H1-6: variants seen among roughly 807,000 people sequenced by gnomAD.
H1-6 encodes histone H1t.
For synonymous variants in H1-6, 225 were observed against 100.1 expected (o/e 2.25, Z -7.45); for missense variants, 538 against 246.5 (o/e 2.18, Z -7.92).
rs930469742 is a variant in H1-6 at position 26,107,614 on chromosome 6, A to C, written c.480T>G (p.Thr160=). ...NKRAKKPRAT[T]PKTVRSGRKA... The stretch of plus-strand genomic sequence containing the variant: ...TTCTCCCGCTCCTAACAGTTTTAGG[A>C]GTTGTCGCTCTCGGCTTCTTGGCTC... The change falls in exon 1 of 1, where the codon ACT becomes ACG. Residue 160 remains threonine (T), a synonymous_variant. Transcript: ENST00000338379. 1.9e-6 allele frequency: 3 copies of C among 1,613,898 alleles called. No homozygotes were observed. The African/African-American group carries it at 4.0e-5, about 22-fold the overall frequency.
Position 26,107,976 on chromosome 6 carries a change from G to A in H1-6, c.118C>T (p.Pro40Ser), listed in dbSNP as rs773939390. ...AGLISASRKV[P>S]NLSVSKLITE... ...ATCAACTTGGACACAGAGAGGTTCG[G>A]CACTTTGCGACTTGCACTTATCAAG... is the stretch of plus-strand genomic sequence containing the variant. Residue 40 changes from proline to serine, a missense_variant, in exon 1 of 1, where the codon CCG (proline) becomes TCG (serine). Pro to Ser is a moderately conservative substitution (Grantham distance 74, BLOSUM62 -1). Transcript: ENST00000338379. The A allele has an allele frequency of 9.9e-6, 16 of 1,614,064 alleles. No homozygotes were observed. The highest frequency in any genetic ancestry group is 2.2e-5 in the South Asian group (2 of 91,086).
rs374531303 is a variant in H1-6, at chr6:26,107,738, G to T, written c.356C>A (p.Ser119Tyr). The T allele has an allele frequency of 6.8e-6, 11 of 1,614,222 alleles. No individual in the cohort carries two copies. Among genetic ancestry groups the T allele is most frequent in the Non-Finnish European group, 9.3e-6 (11 of 1,180,036 alleles). Residue 119 changes from serine (S) to tyrosine (Y), a missense_variant, in exon 1 of 1, where the codon TCT (serine) becomes TAT (tyrosine). Transcript: ENST00000338379. ...FKLSKKVIPK[S>Y]TRSKAKKSVS... The stretch of plus-strand genomic sequence containing the variant: ...TGACTTTTTAGCCTTGCTTCTGGTA[G>T]ATTTAGGAATCACCTTCTTACTAAG...
At position 26,107,588 on chromosome 6, in the gene H1-6, T is replaced by C. The variant is rs142472343; in HGVS notation, c.506A>G (p.Lys169Arg). The C allele has an allele frequency of 8.9e-4, 1,429 of 1,614,186 alleles. 2 individuals carry two copies. Among genetic ancestry groups the C allele is most frequent in the Non-Finnish European group, 1.1e-3 (1,274 of 1,180,026 alleles). Reference protein sequence around the residue: ...TTPKTVRSGRKAKGAKGKQQQ... With the variant: ...TTPKTVRSGRRAKGAKGKQQQ... Reference sequence around the variant, plus strand: ...TTGCTTACCCTTGGCTCCTTTAGCCTTTCTCCCGCTCCTAACAGTTTTAGG... The same window carrying C: ...TTGCTTACCCTTGGCTCCTTTAGCCCTTCTCCCGCTCCTAACAGTTTTAGG... The change falls in exon 1 of 1, where the codon AAG becomes AGG. Residue 169 changes from lysine to arginine, a missense_variant. Lys to Arg is a conservative substitution (Grantham distance 26). Coordinates refer to ENST00000338379, the MANE Select transcript of H1-6 (RefSeq NM_005323.4).
chr6:26,107,693 T>C lies in H1-6; in HGVS notation c.401A>G (p.Lys134Arg), dbSNP rs756173235. ...CTTGGAGTCCCTGGATAAAACCAGC[T>C]TCTTGGTCTTGGCAGAAACTGACTT... Reference protein sequence around the residue: ...AKKSVSAKTKKLVLSRDSKSP... With the variant: ...AKKSVSAKTKRLVLSRDSKSP... The change falls in exon 1 of 1, where the codon AAG becomes AGG. Residue 134 changes from lysine to arginine, a missense_variant. Physicochemically the swap from Lys to Arg is conservative, Grantham distance 26. Coordinates refer to ENST00000338379, the MANE Select transcript of H1-6 (RefSeq NM_005323.4). The C allele has an allele frequency of 6.2e-7, 1 of 1,614,196 alleles. No individual in the cohort carries two copies. Among genetic ancestry groups the C allele is most frequent in the Non-Finnish European group, 8.5e-7 (1 of 1,180,032 alleles).
rs774386357 is a variant in H1-6 at position 26,107,671 on chromosome 6, G to C, written c.423C>G (p.Ser141=). Residue 141 remains serine (S), a synonymous_variant, in exon 1 of 1, where the codon TCC becomes TCG. Coordinates refer to ENST00000338379, the MANE Select transcript of H1-6 (RefSeq NM_005323.4). ...KTKKLVLSRD[S]KSPKTAKTNK... ...TGGTTTTAGCAGTCTTTGGTGACTTGGAGTCCCTGGATAAAACCAGCTTCT... is the reference window on the plus strand; with the variant it reads ...TGGTTTTAGCAGTCTTTGGTGACTTCGAGTCCCTGGATAAAACCAGCTTCT... 3.1e-6 allele frequency: 5 copies of C among 1,614,074 alleles called. No homozygotes were observed. The South Asian group carries it at 4.4e-5, about 14-fold the overall frequency.
rs1409708231 is a variant in H1-6 at position 26,107,922 on chromosome 6, G to A, written c.172C>T (p.Arg58Ter). 6.2e-7 allele frequency: 1 copy of A among 1,614,140 alleles called. No individual in the cohort carries two copies. The highest frequency in any genetic ancestry group is 8.5e-7 in the Non-Finnish European group (1 of 1,180,024). ...AGCGCAACCAAAGACATACCTACTC[G>A]TTCCTGTGACACTGAAAGGGCCTCG... ...ITEALSVSQE[R>*]VGMSLVALKK... Residue 58 changes from arginine to a stop codon, truncating the protein, a stop_gained, in exon 1 of 1, where the codon CGA becomes TGA. Transcript: ENST00000338379. LOFTEE classifies it low-confidence loss of function (END_TRUNC).
Position 26,107,687 on chromosome 6 carries a change from A to C in H1-6, c.407T>G (p.Val136Gly), listed in dbSNP as rs767718413. 8.7e-6 allele frequency: 14 copies of C among 1,613,986 alleles called. No individual in the cohort carries two copies. The South Asian group carries it at 1.3e-4, about 15-fold the overall frequency. The stretch of plus-strand genomic sequence containing the variant: ...TGGTGACTTGGAGTCCCTGGATAAA[A>C]CCAGCTTCTTGGTCTTGGCAGAAAC... ...KSVSAKTKKL[V>G]LSRDSKSPKT... The change falls in exon 1 of 1, where the codon GTT (valine) becomes GGT (glycine). Residue 136 changes from valine to glycine, a missense_variant. Val to Gly is a moderately radical substitution (Grantham distance 109). Coordinates refer to ENST00000338379, the MANE Select transcript of H1-6 (RefSeq NM_005323.4).
In H1-6 at chr6:26,107,570, C is replaced by T; in HGVS notation, c.524G>A (p.Gly175Asp). The T allele has an allele frequency of 5.0e-6, 8 of 1,614,146 alleles. No homozygotes were observed. Among genetic ancestry groups the T allele is most frequent in the Non-Finnish European group, 6.8e-6 (8 of 1,180,008 alleles). The change falls in exon 1 of 1, where the codon GGT becomes GAT. Residue 175 changes from glycine to aspartate, a missense_variant. Coordinates refer to ENST00000338379, the MANE Select transcript of H1-6 (RefSeq NM_005323.4). The part of the protein sequence containing the change: ...RSGRKAKGAK[G>D]KQQQKSPVKA... The stretch of plus-strand genomic sequence containing the variant: ...CACTGGGCTCTTCTGCTGTTGCTTA[C>T]CCTTGGCTCCTTTAGCCTTTCTCCC...
rs140813704 is a variant in H1-6, at chr6:26,107,770, G to A, written c.324C>T (p.Ser108=). Residue 108 remains serine (S), a synonymous_variant, in exon 1 of 1, where the codon TCC becomes TCT. Coordinates refer to ENST00000338379, the MANE Select transcript of H1-6 (RefSeq NM_005323.4). Reference sequence around the variant, plus strand: ...GAATCACCTTCTTACTAAGCTTAAAGGAACCGGAAGCACCAGTACCCCTGG... The same window carrying A: ...GAATCACCTTCTTACTAAGCTTAAAAGAACCGGAAGCACCAGTACCCCTGG... ...VQTRGTGASG[S]FKLSKKVIPK... 19 of 1,614,086 alleles carry A rather than the reference G, an allele frequency of 1.2e-5. No individual in the cohort carries two copies. The highest frequency in any genetic ancestry group is 3.3e-5 in the South Asian group (3 of 91,088).
At position 26,107,783 on chromosome 6, in the gene H1-6, C is replaced by A. The variant is rs200281296; in HGVS notation, c.311G>T (p.Gly104Val). 2 of 1,614,170 alleles carry A rather than the reference C, an allele frequency of 1.2e-6. No individual in the cohort carries two copies. Among genetic ancestry groups the A allele is most frequent in the Non-Finnish European group, 1.7e-6 (2 of 1,180,004 alleles). The change falls in exon 1 of 1, where the codon GGT (glycine) becomes GTT (valine). Residue 104 changes from glycine to valine, a missense_variant. Coordinates refer to ENST00000338379, the MANE Select transcript of H1-6 (RefSeq NM_005323.4). ...ACTAAGCTTAAAGGAACCGGAAGCA[C>A]CAGTACCCCTGGTTTGCACCAGGAT... ...KGILVQTRGT[G>V]ASGSFKLSKK...
chr6:26,107,913 T>C lies in H1-6; in HGVS notation c.181A>G (p.Met61Val), dbSNP rs1235384395. 3 of 1,614,210 alleles carry C rather than the reference T, an allele frequency of 1.9e-6. No homozygotes were observed. Among genetic ancestry groups the C allele is most frequent in the Admixed American group, 3.3e-5 (2 of 60,028 alleles). ...GCCTTCTTGAGCGCAACCAAAGACA[T>C]ACCTACTCGTTCCTGTGACACTGAA... ...ALSVSQERVG[M>V]SLVALKKALA... Residue 61 changes from methionine to valine, a missense_variant, in exon 1 of 1, where the codon ATG (methionine) becomes GTG (valine). Physicochemically the swap from Met to Val is conservative, Grantham distance 21. Transcript: ENST00000338379.
In H1-6 at chr6:26,107,716, C is replaced by CT. The variant is rs765051680; in HGVS notation, c.377dup (p.Ser127ValfsTer22). On this transcript the variant is annotated frameshift_variant, in exon 1 of 1. Coordinates refer to ENST00000338379, the MANE Select transcript of H1-6 (RefSeq NM_005323.4). LOFTEE classifies it low-confidence loss of function (END_TRUNC). ...GCTTCTTGGTCTTGGCAGAAACTGA[C>CT]TTTTTAGCCTTGCTTCTGGTAGATT... 2 of 1,614,178 alleles carry CT rather than the reference C, an allele frequency of 1.2e-6. No individual in the cohort carries two copies. The highest frequency in any genetic ancestry group is 8.5e-7 in the Non-Finnish European group (1 of 1,180,034).
chr6:26,107,509 A>G lies in H1-6; in HGVS notation c.585T>C (p.His195=). 6.2e-7 allele frequency: 1 copy of G among 1,609,180 alleles called. No homozygotes were observed. Among genetic ancestry groups the G allele is most frequent in the South Asian group, 1.1e-5 (1 of 89,944 alleles). ...TGGCCTTTCTAACATTAACTTCATGATGTTGGGTCAATTTTGACTTCGAAG... is the reference window on the plus strand; with the variant it reads ...TGGCCTTTCTAACATTAACTTCATGGTGTTGGGTCAATTTTGACTTCGAAG... The part of the protein sequence containing the change: ...ARASKSKLTQ[H]HEVNVRKATS... The change falls in exon 1 of 1, where the codon CAT becomes CAC. Residue 195 remains histidine, a synonymous_variant. Coordinates refer to ENST00000338379, the MANE Select transcript of H1-6 (RefSeq NM_005323.4).
chr6:26,107,827 C>T lies in H1-6; in HGVS notation c.267G>A (p.Lys89=), dbSNP rs1763296318. Residue 89 remains lysine, a synonymous_variant, in exon 1 of 1, where the codon AAG becomes AAA. Transcript: ENST00000338379. The part of the protein sequence containing the change: ...KNNSRIKLSL[K]SLVNKGILVQ... Reference sequence around the variant, plus strand: ...CCAGGATTCCCTTGTTCACTAAGCTCTTGAGGGACAGTTTGATGCGGCTGT... The same window carrying T: ...CCAGGATTCCCTTGTTCACTAAGCTTTTGAGGGACAGTTTGATGCGGCTGT... 6.2e-7 allele frequency: 1 copy of T among 1,614,198 alleles called. No individual in the cohort carries two copies. Among genetic ancestry groups the T allele is most frequent in the African/African-American group, 1.3e-5 (1 of 75,048 alleles).
Position 26,107,864 on chromosome 6 carries a change from A to AC in H1-6, c.229dup (p.Val77GlyfsTer5). On this transcript the variant is annotated frameshift_variant, in exon 1 of 1. Coordinates refer to ENST00000338379, the MANE Select transcript of H1-6 (RefSeq NM_005323.4). LOFTEE classifies it low-confidence loss of function (END_TRUNC). ...TTTGATGCGGCTGTTATTCTTCTCT[A>AC]CGTCGTAGCCAGCAGCGGCCAATGC... The AC allele has an allele frequency of 6.2e-7, 1 of 1,614,200 alleles. No individual in the cohort carries two copies.
rs995841661 is a variant in H1-6 at position 26,107,979 on chromosome 6, C to T, written c.115G>A (p.Val39Met). 11 of 1,614,108 alleles carry T rather than the reference C, an allele frequency of 6.8e-6. No homozygotes were observed. Among genetic ancestry groups the T allele is most frequent in the South Asian group, 5.5e-5 (5 of 91,090 alleles). The change falls in exon 1 of 1, where the codon GTG becomes ATG. Residue 39 changes from valine to methionine, a missense_variant. Coordinates refer to ENST00000338379, the MANE Select transcript of H1-6 (RefSeq NM_005323.4). Reference protein sequence around the residue: ...PAGLISASRKVPNLSVSKLIT... With the variant: ...PAGLISASRKMPNLSVSKLIT... ...AACTTGGACACAGAGAGGTTCGGCA[C>T]TTTGCGACTTGCACTTATCAAGCCA...
rs1452796429 is a variant in H1-6, at chr6:26,108,057, C to T, written c.37G>A (p.Gly13Ser). The T allele has an allele frequency of 6.2e-7, 1 of 1,614,168 alleles. No homozygotes were observed. ...ETVPAASASA[G>S]VAAMEKLPTK... Reference sequence around the variant, plus strand: ...GGAAGTTTCTCCATAGCGGCTACACCAGCACTGGCAGAAGCTGCAGGCACG... The same window carrying T: ...GGAAGTTTCTCCATAGCGGCTACACTAGCACTGGCAGAAGCTGCAGGCACG... The change falls in exon 1 of 1, where the codon GGT (glycine) becomes AGT (serine). Residue 13 changes from glycine to serine, a missense_variant. Coordinates refer to ENST00000338379, the MANE Select transcript of H1-6 (RefSeq NM_005323.4).
chr6:26,107,520 A>G lies in H1-6; in HGVS notation c.574T>C (p.Leu192=). Residue 192 remains leucine (L), a synonymous_variant, in exon 1 of 1, where the codon TTG becomes CTG. Coordinates refer to ENST00000338379, the MANE Select transcript of H1-6 (RefSeq NM_005323.4). ...PVKARASKSK[L]TQHHEVNVRK... is the part of the protein sequence containing the mutation. ...ACATTAACTTCATGATGTTGGGTCA[A>G]TTTTGACTTCGAAGCCCTTGCCTTC... The G allele has an allele frequency of 1.9e-6, 3 of 1,611,296 alleles. No homozygotes were observed. The highest frequency in any genetic ancestry group is 1.7e-4 in the Middle Eastern group (1 of 6,044).
Position 26,108,027 on chromosome 6 carries a change from T to G in H1-6, c.67A>C (p.Lys23Gln), listed in dbSNP as rs372571438. Reference sequence around the variant, plus strand: ...CCAGCCGGCTTCCTCCCTCGCTTCTTGGTTGGAAGTTTCTCCATAGCGGCT... The same window carrying G: ...CCAGCCGGCTTCCTCCCTCGCTTCTGGGTTGGAAGTTTCTCCATAGCGGCT... Reference protein sequence around the residue: ...GVAAMEKLPTKKRGRKPAGLI... With the variant: ...GVAAMEKLPTQKRGRKPAGLI... The change falls in exon 1 of 1, where the codon AAG becomes CAG. Residue 23 changes from lysine (K) to glutamine (Q), a missense_variant. Transcript: ENST00000338379. 17 of 1,614,186 alleles carry G rather than the reference T, an allele frequency of 1.1e-5. No individual in the cohort carries two copies. The highest frequency in any genetic ancestry group is 1.4e-5 in the Non-Finnish European group (17 of 1,180,026).
Sources: allele counts gnomAD v4.1 joint callset, GRCh38; gene constraint gnomAD v4.1.1; transcripts MANE v1.5; gene names NCBI Gene and HGNC (gene_info 2026-07-23, HGNC 2026-07-21).